TMEM135: variants seen among roughly 807,000 people sequenced by gnomAD.
TMEM135 encodes the protein peroxisomal membrane protein 52.
TMEM135 carries 30 observed loss-of-function variants against 60.3 expected under a neutral mutation model. The ratio of observed to expected loss-of-function variants is 0.50; its 90% CI spans 0.37 to 0.68. The LOEUF (loss-of-function observed/expected upper bound fraction) is 0.68. TMEM135 is among the 30% of genes least tolerant of loss of function. TMEM135 has a pLI of 0.00. For missense variants in TMEM135, 468 were observed against 548.8 expected (o/e 0.85, Z 1.47); for synonymous variants, 190 against 186.7 (o/e 1.02, Z -0.14).
chr11:87,055,371 G>A (rs1331886848), intron 1 of TMEM135, among the ~76,000 whole-genome samples: 1 of 152,112 alleles, frequency 6.6e-6, no homozygotes, highest in African/African-American at 2.4e-5. Flanking sequence ...GAAAGTCAAA[G>A]GCAGTAAGAA....
chr11:87,320,528 T>G (rs1222615326), intron 14 of TMEM135, among the ~76,000 whole-genome samples: 1 of 152,216 alleles, frequency 6.6e-6, no homozygotes, highest in South Asian at 2.1e-4. Flanking sequence ...TTCATTCAGC[T>G]GTTTTCTCCA....
chr11:87,079,286 G>T (rs1183409648), intron 3 of TMEM135, among the ~76,000 whole-genome samples: 1 of 152,204 alleles, frequency 6.6e-6, no homozygotes. Flanking sequence ...AATTACAGAT[G>T]TGAGCCACTG....
At chr11:87,216,775 T>C (rs1940512720) in intron 5 of TMEM135, among the ~76,000 whole-genome samples, 1 of 152,240 alleles carries the variant, frequency 6.6e-6, no homozygotes, top group African/African-American at 2.4e-5. Context: ...ATTTCTAAAA[T>C]ATATTTTCCA....
At chr11:87,175,343 A>G (rs1324898251) in intron 5 of TMEM135, among the ~76,000 whole-genome samples, 1 of 150,038 alleles carries the variant, frequency 6.7e-6, no homozygotes, top group Non-Finnish European at 1.5e-5. Flanking sequence ...TATATGCATT[A>G]TTGCATACTC....
At chr11:87,199,087 C>T (rs1028302032) in intron 5 of TMEM135, among the ~76,000 whole-genome samples, 10 of 152,192 alleles carry the variant, frequency 6.6e-5, no homozygotes, top group African/African-American at 2.2e-4. Context: ...GAGTAGTTAT[C>T]GCTGTGGCTC....
At chr11:87,104,681 G>A (rs762989948) in intron 4 of TMEM135, among the ~76,000 whole-genome samples, 12 of 152,094 alleles carry the variant, frequency 7.9e-5, no homozygotes, top group Non-Finnish European at 1.3e-4. Flanking sequence ...TGTTGTTGCT[G>A]TTGTAAATGG....
chr11:87,091,537 C>CA, intron 4 of TMEM135, 142 bp downstream of exon 4: 2 of 798,214 alleles, frequency 2.5e-6, no homozygotes, highest in African/African-American at 1.7e-5. Context: ...ATTAAATGTT[C>CA]AAAAAAGCCT....
intron 9 of TMEM135, 78 bp from the exon 10 acceptor site, chr11:87,309,427 T>C: frequency 6.9e-7 from 1 of 1,457,032 alleles, no homozygotes; most frequent in Non-Finnish European, 9.6e-7. Context: ...GTTTCTATTT[T>C]GAGATGGTAA....
At chr11:87,078,155 A>T (rs1856912364) in intron 3 of TMEM135, among the ~76,000 whole-genome samples, 1 of 152,216 alleles carries the variant, frequency 6.6e-6, no homozygotes, top group Non-Finnish European at 1.5e-5. Context: ...AGGAACTGCC[A>T]AACTGTTTAC....
At chr11:87,098,916 C>G (rs747132789) in intron 4 of TMEM135, among the ~76,000 whole-genome samples, 1 of 152,232 alleles carries the variant, frequency 6.6e-6, no homozygotes. Context: ...TCTCGATCTC[C>G]TGACCTCGTG....
rs1475685260 is a variant in TMEM135, at chr11:87,051,492, A to G, written c.141+13306A>G. ...GTCTCAGGATACAAAATCAATGTACAAAAATCACAAGCATTCTTATACATC... is the reference window on the plus strand; with the variant it reads ...GTCTCAGGATACAAAATCAATGTACGAAAATCACAAGCATTCTTATACATC... On this transcript the variant is annotated intron_variant, in intron 1 of 14. Transcript: ENST00000305494. Among the ~76,000 whole-genome samples the G allele has an allele frequency of 3.0e-5, 2 of 67,164 alleles. 1 individual carries two copies. Among genetic ancestry groups the G allele is most frequent in the Non-Finnish European group, 4.7e-5 (2 of 42,126 alleles). The allele number at this position is 67,164 out of a possible 152,430, so 44.1% of individuals were successfully genotyped here. A position where few individuals can be genotyped will look rare whatever the true frequency, so the allele number is the denominator to read the frequency against.
intron 6 of TMEM135, among the ~76,000 whole-genome samples, chr11:87,243,203 T>G (rs1285167366): frequency 3.6e-5 from 3 of 83,392 alleles, no homozygotes; most frequent in Admixed American, 2.1e-4. Flanking sequence ...TTCTGTTCCA[T>G]CGATCTATAT....
At chr11:87,086,497 C>T (rs747035932) in intron 3 of TMEM135, among the ~76,000 whole-genome samples, 19 of 152,000 alleles carry the variant, frequency 1.3e-4, no homozygotes, top group African/African-American at 3.9e-4. Flanking sequence ...TTTTATTAAG[C>T]GGTGGAACAG....
chr11:87,308,418 A>T (rs1942587408), intron 9 of TMEM135, among the ~76,000 whole-genome samples: 1 of 152,184 alleles, frequency 6.6e-6, no homozygotes, highest in African/African-American at 2.4e-5. Context: ...AATTCACAGT[A>T]ATTGATTGGA....
At chr11:87,231,924 A>T (rs1940896939) in intron 5 of TMEM135, among the ~76,000 whole-genome samples, 1 of 151,742 alleles carries the variant, frequency 6.6e-6, no homozygotes, top group Non-Finnish European at 1.5e-5. Flanking sequence ...AATAGAGACC[A>T]TCTAAAATGA....
intron 5 of TMEM135, among the ~76,000 whole-genome samples, chr11:87,180,073 AG>A (rs1939476710): frequency 6.6e-6 from 1 of 152,120 alleles, no homozygotes; most frequent in Non-Finnish European, 1.5e-5. Context: ...TTATGGTCAG[AG>A]GACTGGAAAG....
At chr11:87,066,333 T>C (rs539401031) in intron 1 of TMEM135, among the ~76,000 whole-genome samples, 6 of 152,190 alleles carry the variant, frequency 3.9e-5, no homozygotes, top group South Asian at 2.1e-4. Context: ...CATATCCCGT[T>C]CTCCATGAAA....
At chr11:87,116,427 A>G (rs1857880686) in intron 4 of TMEM135, among the ~76,000 whole-genome samples, 1 of 152,194 alleles carries the variant, frequency 6.6e-6, no homozygotes, top group Non-Finnish European at 1.5e-5. Context: ...AGGACAGCAG[A>G]CACAATTTAT....
intron 6 of TMEM135, among the ~76,000 whole-genome samples, chr11:87,247,999 C>A (rs1391051062): frequency 6.8e-6 from 1 of 146,580 alleles, no homozygotes; most frequent in African/African-American, 2.6e-5. Flanking sequence ...GCCATCTTGG[C>A]TGCCAGCTTG....
Sources: gnomAD v4.1 joint callset for allele counts (sites outside exome capture counted in the v4.1 genomes callset) on GRCh38, gnomAD v4.1.1 for gene constraint, MANE v1.5 for transcripts, NCBI Gene and HGNC (gene_info 2026-07-23, HGNC 2026-07-21) for gene names.